The following SFXN5 variants were observed in gnomAD, a reference collection of about 807,000 sequenced individuals.
The protein encoded by SFXN5 is sideroflexin 5.
SFXN5 carries 43 observed loss-of-function variants against 50.2 expected under a neutral mutation model. The observed-to-expected ratio is 0.86, with a 90% CI of 0.67 to 1.11. The LOEUF is 1.11. Ranked by LOEUF, SFXN5 falls within the 50% of genes least tolerant of loss-of-function variation. The pLI, the probability that SFXN5 is intolerant of heterozygous loss-of-function variation, is 0.00. For missense variants in SFXN5, 463 were observed against 454.1 expected, an observed-to-expected ratio of 1.02 and a Z score of -0.18; for synonymous variants, 203 against 185.8, an observed-to-expected ratio of 1.09 and a Z score of -0.75.
intron 1 of SFXN5, among the ~76,000 whole-genome samples, chr2:73,060,518 C>T (rs1414419855): frequency 6.6e-6 from 1 of 151,886 alleles, no homozygotes; most frequent in South Asian, 2.1e-4. Context: ...ACTAAAGAGA[C>T]AACTAGATGC....
Position 73,013,384 on chromosome 2 carries a change from A to G in SFXN5, c.357+6855T>C, listed in dbSNP as rs539732922. Among the ~76,000 whole-genome samples, 4 of 151,680 alleles carry G rather than the reference A, an allele frequency of 2.6e-5. No homozygotes were observed. In the South Asian group the frequency reaches 6.2e-4, roughly 24 times the overall value. On this transcript the variant is annotated intron_variant, in intron 6 of 13. Transcript: ENST00000272433. ...TTAAGAGAAAATTCAAGGCAAGAATAATCAATGAAACAGGGATATTTCGTG... is the reference window on the plus strand; with the variant it reads ...TTAAGAGAAAATTCAAGGCAAGAATGATCAATGAAACAGGGATATTTCGTG...
At chr2:72,967,716 A>AG (rs2105428893) in intron 12 of SFXN5, among the ~76,000 whole-genome samples, 2 of 152,220 alleles carry the variant, frequency 1.3e-5, no homozygotes, top group South Asian at 4.1e-4. Context: ...CTGACAAGCC[A>AG]GGGGTCTGTA....
At position 73,047,271 on chromosome 2, in the gene SFXN5, T is replaced by C. The variant is rs1391022615; in HGVS notation, c.172-6340A>G. On this transcript the variant is annotated intron_variant, in intron 2 of 13. Coordinates refer to ENST00000272433, the MANE Select transcript of SFXN5 (RefSeq NM_144579.3). ...ATATATATATATATATATATATATA[T>C]ATATACACACATATATATATATATA... 2.4e-4 allele frequency among the ~76,000 whole-genome samples: 17 copies of C among 71,150 alleles called. No homozygotes were observed. In the East Asian group the frequency reaches 3.6e-3, roughly 15 times the overall value. 46.7% of individuals were successfully genotyped at this position (71,150 alleles called of 152,430 possible).
intron 2 of SFXN5, among the ~76,000 whole-genome samples, chr2:73,047,888 T>C (rs57522927): frequency 0.048 from 7,279 of 152,172 alleles, 252 homozygotes; most frequent in East Asian, 0.14. Context: ...GGAAAAACAG[T>C]GAGATTTCTG....
intron 1 of SFXN5, 93 bp from the exon 2 acceptor site, chr2:73,058,689 C>CCGGGGGA: frequency 3.4e-6 from 4 of 1,192,114 alleles, no homozygotes; most frequent in Non-Finnish European, 4.9e-6. Flanking sequence ...TGATTGGGGT[C>CCGGGGGA]CCCCGGTCCC....
rs1230559292 is a variant in SFXN5, at chr2:72,942,098, G to A, written c.*2924C>T. 5 of 152,302 alleles carry A rather than the reference G, an allele frequency of 3.3e-5. No homozygotes were observed. The East Asian group carries it at 9.7e-4, about 29-fold the overall frequency. The allele number at this position is 152,302 out of a possible 1,614,324, so 9.4% of individuals were successfully genotyped here. A position where few individuals can be genotyped will look rare whatever the true frequency, so the allele number is the denominator to read the frequency against. ...GTATTACACAAATCACATAGATTGA[G>A]AAATTTTCTGAGGTTAAAAAGACGC... On this transcript the variant is annotated 3_prime_UTR_variant, in exon 14 of 14. Transcript: ENST00000272433.
At position 73,047,249 on chromosome 2, in the gene SFXN5, T is replaced by A. The variant is rs1324737937; in HGVS notation, c.172-6318A>T. Among the ~76,000 whole-genome samples, 143 of 19,304 alleles carry A rather than the reference T, an allele frequency of 7.4e-3. 4 individuals carry two copies. The highest frequency in any genetic ancestry group is 0.015 in the Non-Finnish European group (130 of 8,518). 12.7% of individuals were successfully genotyped at this position (19,304 alleles called of 152,430 possible). A position where few individuals can be genotyped will look rare whatever the true frequency, so the allele number is the denominator to read the frequency against. On this transcript the variant is annotated intron_variant, in intron 2 of 13. Transcript: ENST00000272433. The stretch of plus-strand genomic sequence containing the variant: ...AAAAAAAAAAAAAAAAAAAAAAATA[T>A]ATATATATATATATATATATATATA...
chr2:73,022,907 T>A (rs757092844), intron 4 of SFXN5, among the ~76,000 whole-genome samples: 2 of 152,176 alleles, frequency 1.3e-5, no homozygotes, highest in African/African-American at 2.4e-5. Flanking sequence ...CTACCCCCAT[T>A]CCTGGCACAT....
Position 72,944,021 on chromosome 2 carries a change from G to T in SFXN5, c.*1001C>A, listed in dbSNP as rs1449473605. 2.0e-5 allele frequency: 3 copies of T among 152,282 alleles called. No individual in the cohort carries two copies. Among genetic ancestry groups the T allele is most frequent in the Admixed American group, 2.0e-4 (3 of 15,290 alleles). 9.4% of individuals were successfully genotyped at this position (152,282 alleles called of 1,614,324 possible). A position where few individuals can be genotyped will look rare whatever the true frequency, so the allele number is the denominator to read the frequency against. On this transcript the variant is annotated 3_prime_UTR_variant, in exon 14 of 14. Coordinates refer to ENST00000272433, the MANE Select transcript of SFXN5 (RefSeq NM_144579.3). ...ATAGGTGTCTAAGGAGCTGGCCTAG[G>T]CATTCTCAGGCATGAGACCTTCCTG... is the stretch of plus-strand genomic sequence containing the variant.
intron 10 of SFXN5, among the ~76,000 whole-genome samples, chr2:72,983,999 G>A (rs1242420009): frequency 2.0e-5 from 3 of 152,308 alleles, no homozygotes; most frequent in East Asian, 1.9e-4. Context: ...GCAACCATAC[G>A]TCAATTAACG....
chr2:72,963,710 AGAC>A (rs1573968650), intron 12 of SFXN5, among the ~76,000 whole-genome samples: 1 of 152,184 alleles, frequency 6.6e-6, no homozygotes, highest in East Asian at 1.9e-4. Context: ...GAGCCAACTC[AGAC>A]CCAGCCTGGT....
chr2:73,031,133 A>G (rs1448146086), intron 3 of SFXN5, among the ~76,000 whole-genome samples: 2 of 152,242 alleles, frequency 1.3e-5, no homozygotes, highest in Non-Finnish European at 2.9e-5. Context: ...TGTGTTGTCC[A>G]TAGTCATAGA....
chr2:73,052,320 T>C (rs181157696), intron 2 of SFXN5, among the ~76,000 whole-genome samples: 45 of 150,790 alleles, frequency 3.0e-4, no homozygotes, highest in African/African-American at 9.8e-4. Flanking sequence ...GCCAGAAAAT[T>C]AGAAAATGTA....
At chr2:73,038,530 G>A (rs1011804767) in intron 3 of SFXN5, among the ~76,000 whole-genome samples, 1 of 152,182 alleles carries the variant, frequency 6.6e-6, no homozygotes, top group African/African-American at 2.4e-5. Flanking sequence ...TCAGGAGGCT[G>A]AGGTGGGAGG....
At chr2:72,978,175 A>G (rs957931438) in intron 10 of SFXN5, among the ~76,000 whole-genome samples, 6 of 152,004 alleles carry the variant, frequency 3.9e-5, no homozygotes, top group Non-Finnish European at 8.8e-5. Flanking sequence ...TTGGAAACCC[A>G]AATGTCCAAT....
intron 9 of SFXN5, among the ~76,000 whole-genome samples, chr2:72,993,392 G>A (rs1262388265): frequency 6.6e-6 from 1 of 152,194 alleles, no homozygotes; most frequent in Admixed American, 6.5e-5. Context: ...CAAGTAGCTG[G>A]GACAGAGCTC....
intron 5 of SFXN5, among the ~76,000 whole-genome samples, chr2:73,021,152 C>T (rs1487418226): frequency 1.3e-5 from 2 of 152,170 alleles, no homozygotes; most frequent in Non-Finnish European, 2.9e-5. Context: ...AAGCCAGGCT[C>T]AGGGTGAGAG....
intron 3 of SFXN5, among the ~76,000 whole-genome samples, chr2:73,028,674 G>A (rs1677909774): frequency 6.6e-6 from 1 of 152,190 alleles, no homozygotes; most frequent in African/African-American, 2.4e-5. Flanking sequence ...TCTCACAAAT[G>A]ATACGGTCAG....
chr2:72,981,965 TTGTG>T (rs10582006), intron 10 of SFXN5, among the ~76,000 whole-genome samples: 6,757 of 144,754 alleles, frequency 0.047, 407 homozygotes, highest in African/African-American at 0.14. Context: ...CACTGGAACT[TTGTG>T]TGTGTGTGTG....
Sources: allele counts gnomAD v4.1 joint callset (sites outside exome capture counted in the v4.1 genomes callset), GRCh38; gene constraint gnomAD v4.1.1; transcripts MANE v1.5; gene names NCBI Gene and HGNC (gene_info 2026-07-23, HGNC 2026-07-21).